The following EHD3 variants were observed in gnomAD, a reference collection of about 807,000 sequenced individuals.
EHD3 encodes the protein EH domain containing 3.
A neutral mutation model predicts 43.0 loss-of-function variants in EHD3; 17 were observed. That is an observed-to-expected ratio of 0.40 (90% CI 0.27 to 0.59). The LOEUF is 0.59. EHD3 is among the 20% of genes least tolerant of loss of function. The probability of loss-of-function intolerance (pLI) is 0.49; values close to 1 mark genes in which losing one functional copy is unlikely to be tolerated. For synonymous variants in EHD3, 313 were observed against 289.5 expected (o/e 1.08, Z -0.82); for missense variants, 594 against 705.6 (o/e 0.84, Z 1.79).
intron 1 of EHD3, among the ~76,000 whole-genome samples, chr2:31,240,053 T>C (rs3769629): frequency 0.5 from 76,385 of 152,022 alleles, 21,663 homozygotes; most frequent in East Asian, 0.77. Context: ...ATCACATGGC[T>C]GAGGGTGCTT....
At chr2:31,240,200 C>T (rs1292807983) in intron 1 of EHD3, among the ~76,000 whole-genome samples, 6 of 152,178 alleles carry the variant, frequency 3.9e-5, no homozygotes, top group South Asian at 2.1e-4. Flanking sequence ...CCCATGAGGC[C>T]GACAGGGCAA....
intron 3 of EHD3, among the ~76,000 whole-genome samples, chr2:31,250,979 C>A (rs1683623481): frequency 6.6e-6 from 1 of 152,234 alleles, no homozygotes; most frequent in Non-Finnish European, 1.5e-5. Context: ...TAGTGGGGCC[C>A]AGAAACCTTT....
In EHD3 at chr2:31,241,888, G is replaced by A. The variant is rs1292875889; in HGVS notation, c.228-2386G>A. On this transcript the variant is annotated intron_variant, in intron 1 of 5. Coordinates refer to ENST00000322054, the MANE Select transcript of EHD3 (RefSeq NM_014600.3). ...GATTCACTCTCATCACAACCTCGGT[G>A]CCAGCTTTCAAAGTGATCCTCTGAC... Among the ~76,000 whole-genome samples the A allele has an allele frequency of 5.3e-5, 8 of 152,198 alleles. No individual in the cohort carries two copies. The East Asian group carries it at 9.6e-4, about 18-fold the overall frequency.
intron 2 of EHD3, among the ~76,000 whole-genome samples, chr2:31,245,561 T>A (rs1206799342): frequency 1.4e-3 from 158 of 113,974 alleles, no homozygotes; most frequent in Non-Finnish European, 1.6e-3. Context: ...ATATTTTTTT[T>A]TTTTTTTTTT....
chr2:31,253,019 AC>A (rs1683667255), intron 3 of EHD3, among the ~76,000 whole-genome samples: 1 of 152,072 alleles, frequency 6.6e-6, no homozygotes, highest in African/African-American at 2.4e-5. Context: ...TATCTGTGGT[AC>A]CCCAAACGAG....
chr2:31,234,618 C>T lies in EHD3; in HGVS notation c.-4C>T. The T allele has an allele frequency of 1.9e-6, 3 of 1,613,326 alleles. No individual in the cohort carries two copies. The highest frequency in any genetic ancestry group is 2.5e-6 in the Non-Finnish European group (3 of 1,179,882). The stretch of plus-strand genomic sequence containing the variant: ...CTGCGTGCCGGGGGCGAGCGGCGGC[C>T]GCGATGTTCAGCTGGCTGGGTACGG... On this transcript the variant is annotated 5_prime_UTR_variant, in exon 1 of 6. Transcript: ENST00000322054.
intron 3 of EHD3, among the ~76,000 whole-genome samples, chr2:31,252,960 C>T (rs138622433): frequency 0.013 from 1,978 of 152,192 alleles, 17 homozygotes; most frequent in Middle Eastern, 0.061. Flanking sequence ...GACCTCAGCA[C>T]CCTGAGGAGA....
At chr2:31,262,078 A>C (rs934304440) in intron 5 of EHD3, among the ~76,000 whole-genome samples, 5 of 152,170 alleles carry the variant, frequency 3.3e-5, no homozygotes, top group African/African-American at 1.2e-4. Flanking sequence ...CAGGCTCTTA[A>C]AGTGCTCGAG....
intron 3 of EHD3, among the ~76,000 whole-genome samples, chr2:31,251,280 A>G (rs1683630480): frequency 1.3e-5 from 2 of 152,268 alleles, no homozygotes; most frequent in African/African-American, 4.8e-5. Flanking sequence ...AGGCTACACT[A>G]TGCCTGTGTG....
At chr2:31,254,500 C>T (rs1230909897) in intron 3 of EHD3, among the ~76,000 whole-genome samples, 8 of 152,248 alleles carry the variant, frequency 5.3e-5, no homozygotes, top group Admixed American at 6.5e-5. Flanking sequence ...CGCTCTTTGC[C>T]GTTACTTCTG....
chr2:31,266,252 C>G lies in EHD3; in HGVS notation c.1156C>G (p.Leu386Val), dbSNP rs771069560. ...GCTGCTGGAGGTAGTGGACGACATG[C>G]TGGCCCATGACATTGCCCAGCTCAT... Reference protein sequence around the residue: ...SKLLEVVDDMLAHDIAQLMVL... With the variant: ...SKLLEVVDDMVAHDIAQLMVL... Residue 386 changes from leucine (L) to valine (V), a missense_variant, in exon 6 of 6, where the codon CTG becomes GTG. Leu to Val is a conservative substitution (Grantham distance 32, BLOSUM62 1). Coordinates refer to ENST00000322054, the MANE Select transcript of EHD3 (RefSeq NM_014600.3). The surrounding 1 kb of genome is among the most constrained non-coding windows in gnomAD (Gnocchi z 5.1). 2.5e-6 allele frequency: 4 copies of G among 1,614,070 alleles called. No homozygotes were observed. In the African/African-American group the frequency reaches 5.3e-5, roughly 22 times the overall value.
At chr2:31,245,989 A>T (rs1389461065) in intron 2 of EHD3, among the ~76,000 whole-genome samples, 2 of 152,090 alleles carry the variant, frequency 1.3e-5, no homozygotes, top group Non-Finnish European at 2.9e-5. Context: ...ACATGAATGA[A>T]ATGTGGAACT....
intron 2 of EHD3, among the ~76,000 whole-genome samples, chr2:31,248,316 C>A (rs891808726): frequency 6.6e-6 from 1 of 152,188 alleles, no homozygotes; most frequent in African/African-American, 2.4e-5. Context: ...TCTTCGAGGC[C>A]AGCTCCAGTG....
Position 31,266,604 on chromosome 2 carries a change from T to C in EHD3, c.1508T>C (p.Leu503Pro). 1 of 1,614,150 alleles carries C rather than the reference T, an allele frequency of 6.2e-7. No homozygotes were observed. The change falls in exon 6 of 6, where the codon CTG becomes CCG. Residue 503 changes from leucine (L) to proline (P), a missense_variant. By Grantham distance (98) the Leu-to-Pro change is moderately conservative. This residue lies in a region of EHD3 where 322 missense variants were observed against 348.0 expected (regional missense o/e 0.93). Coordinates refer to ENST00000322054, the MANE Select transcript of EHD3 (RefSeq NM_014600.3). This position sits in a 1 kb window ranked among gnomAD's most constrained non-coding sequence, Gnocchi z 5.1. Reference sequence around the variant, plus strand: ...ATGCTGGACGACGACGAGTTTGCACTGGCCAACCACCTCATCAAAGTCAAG... The same window carrying C: ...ATGCTGGACGACGACGAGTTTGCACCGGCCAACCACCTCATCAAAGTCAAG... ...DGMLDDDEFA[L>P]ANHLIKVKLE... is the part of the protein sequence containing the mutation.
Position 31,261,585 on chromosome 2 carries a change from A to T in EHD3, c.952A>T (p.Met318Leu). The T allele has an allele frequency of 6.2e-7, 1 of 1,614,192 alleles. No homozygotes were observed. Among genetic ancestry groups the T allele is most frequent in the Non-Finnish European group, 8.5e-7 (1 of 1,180,028 alleles). ...AYIISSLKKE[M>L]PSVFGKDNKK... is the part of the protein sequence containing the mutation. The stretch of plus-strand genomic sequence containing the variant: ...CATCATCAGCTCTCTGAAGAAGGAG[A>T]TGCCCTCGGTGTTCGGGAAGGACAA... Residue 318 changes from methionine to leucine, a missense_variant, in exon 5 of 6, where the codon ATG becomes TTG. Coordinates refer to ENST00000322054, the MANE Select transcript of EHD3 (RefSeq NM_014600.3).
At chr2:31,255,802 G>A (rs1683740626) in intron 3 of EHD3, among the ~76,000 whole-genome samples, 1 of 152,122 alleles carries the variant, frequency 6.6e-6, no homozygotes, top group South Asian at 2.1e-4. Flanking sequence ...AGAGCAAATA[G>A]GAGGCCTCTG....
At chr2:31,248,609 C>T (rs1348246875) in intron 2 of EHD3, among the ~76,000 whole-genome samples, 2 of 152,170 alleles carry the variant, frequency 1.3e-5, no homozygotes, top group Non-Finnish European at 2.9e-5. Context: ...AGGCATAGAG[C>T]CTGAGTGAGA....
At chr2:31,243,772 G>C (rs977172514) in intron 1 of EHD3, among the ~76,000 whole-genome samples, 1 of 151,898 alleles carries the variant, frequency 6.6e-6, no homozygotes, top group Admixed American at 6.6e-5. Context: ...ATTTTTCATA[G>C]TGTACCTTTT....
intron 1 of EHD3, among the ~76,000 whole-genome samples, chr2:31,243,946 A>G (rs1422287919): frequency 1.3e-5 from 2 of 152,130 alleles, no homozygotes; most frequent in Non-Finnish European, 2.9e-5. Flanking sequence ...GGAGTCTGTA[A>G]TACTCTGTGT....
Sources: allele counts gnomAD v4.1 joint callset (sites outside exome capture counted in the v4.1 genomes callset), GRCh38; gene constraint gnomAD v4.1.1; regional missense constraint gnomAD v4.1.1; non-coding constraint Gnocchi (gnomAD v3.1); transcripts MANE v1.5; gene names NCBI Gene and HGNC (gene_info 2026-07-23, HGNC 2026-07-21).